Variants in OLR1 observed in about 807,000 individuals in gnomAD.
OLR1 encodes the protein oxidized low-density lipoprotein receptor 1.
OLR1 carries 23 observed loss-of-function variants against 31.7 expected under a neutral mutation model. The observed-to-expected ratio is 0.72, with a 90% confidence interval of 0.52 to 1.03. The LOEUF (loss-of-function observed/expected upper bound fraction) is 1.03. Ranked by LOEUF, OLR1 falls within the 50% of genes least tolerant of loss-of-function variation. The pLI is 0.00. For missense variants in OLR1, 286 were observed against 315.7 expected (o/e 0.91, Z 0.71); for synonymous variants, 117 against 115.8 (o/e 1.01, Z -0.07).
chr12:10,168,614 C>T (rs1251831077), intron 2 of OLR1, among the ~76,000 whole-genome samples: 2 of 152,310 alleles, frequency 1.3e-5, no homozygotes, highest in East Asian at 1.9e-4. Flanking sequence ...CTACCTCAGC[C>T]TCCTGAGTAG....
rs1390891736 is a variant in OLR1, at chr12:10,169,075, T to C, written c.177A>G (p.Gln59=). The C allele has an allele frequency of 2.5e-6, 4 of 1,601,062 alleles. No individual in the cohort carries two copies. Among genetic ancestry groups the C allele is most frequent in the African/African-American group, 2.7e-5 (2 of 74,256 alleles). Residue 59 remains glutamine (Q), a splice_region_variant and synonymous_variant, in exon 2 of 6, where the codon CAA becomes CAG. Transcript: ENST00000309539. ...LVVTIMVLGM[Q]LSQVSDLLTQ... ...TCAGTTCCGTATTTTAGCACTTACA[T>C]TGCATGCCCAGCACCATAATGGTCA...
chr12:10,162,953 C>T (rs1565420156), intron 3 of OLR1, among the ~76,000 whole-genome samples: 1 of 31,332 alleles, frequency 3.2e-5, no homozygotes, highest in Non-Finnish European at 7.0e-5. Flanking sequence ...TACTGTATTT[C>T]TTTGTGTGTG....
At chr12:10,169,044 T>C in intron 2 of OLR1, 30 bp downstream of exon 2, 2 of 1,496,668 alleles carry the variant, frequency 1.3e-6, no homozygotes, top group East Asian at 2.3e-5. Context: ...CCTGCCCCAA[T>C]AAACATCAGT....
upstream of OLR1, among the ~76,000 whole-genome samples, chr12:10,175,971 A>G (rs1948762545): frequency 6.6e-6 from 1 of 152,262 alleles, no homozygotes; most frequent in East Asian, 1.9e-4. Flanking sequence ...TCCCTGAAGC[A>G]TAGGTGTAAA....
intron 3 of OLR1, 110 bp downstream of exon 3, chr12:10,166,602 T>C (rs1948664107): frequency 1.0e-6 from 1 of 966,394 alleles, no homozygotes; most frequent in African/African-American, 1.6e-5. Flanking sequence ...GAATGAATAA[T>C]GATATGCATA....
chr12:10,160,794 C>G lies in OLR1; in HGVS notation c.556G>C (p.Ala186Pro), dbSNP rs1297819608. 5.6e-6 allele frequency: 9 copies of G among 1,613,990 alleles called. No individual in the cohort carries two copies. Among genetic ancestry groups the G allele is most frequent in the Non-Finnish European group, 7.6e-6 (9 of 1,179,974 alleles). ...TATCCATGAACACTCACCAGATCAGCTGTGCTATTAATTTTCAGCAACTTG... is the reference window on the plus strand; with the variant it reads ...TATCCATGAACACTCACCAGATCAGGTGTGCTATTAATTTTCAGCAACTTG... ...DAKLLKINST[A>P]DLDFIQQAIS... The change falls in exon 4 of 6, where the codon GCT becomes CCT. Residue 186 changes from alanine to proline, a missense_variant. By Grantham distance (27) the Ala-to-Pro change is conservative (BLOSUM62 -1). Transcript: ENST00000309539.
chr12:10,159,205 A>C lies in OLR1; in HGVS notation c.*675T>G, dbSNP rs533021686. Reference sequence around the variant, plus strand: ...TGAAGAAATAATAACTGATTCAGGAAGTGGTAACAGGTTGTGGATTAGCTT... The same window carrying C: ...TGAAGAAATAATAACTGATTCAGGACGTGGTAACAGGTTGTGGATTAGCTT... On this transcript the variant is annotated 3_prime_UTR_variant, in exon 6 of 6. Coordinates refer to ENST00000309539, the MANE Select transcript of OLR1 (RefSeq NM_002543.4). 5.4e-4 allele frequency: 83 copies of C among 152,314 alleles called. No homozygotes were observed. Among genetic ancestry groups the C allele is most frequent in the African/African-American group, 1.8e-3 (76 of 41,560 alleles). 9.4% of individuals were successfully genotyped at this position (152,314 alleles called of 1,614,324 possible).
At chr12:10,165,523 G>A (rs745465175) in intron 3 of OLR1, among the ~76,000 whole-genome samples, 3 of 152,074 alleles carry the variant, frequency 2.0e-5, no homozygotes, top group Non-Finnish European at 4.4e-5. Context: ...GTAGACAGTT[G>A]CAAGGACAAA....
In OLR1 at chr12:10,161,720, G is replaced by A. The variant is rs556222495; in HGVS notation, c.425-795C>T. Among the ~76,000 whole-genome samples the A allele has an allele frequency of 7.2e-5, 11 of 152,062 alleles. No homozygotes were observed. In the South Asian group the frequency reaches 2.3e-3, roughly 32 times the overall value. ...ACCACACCCGGCTAGTTTGCATTAA[G>A]ATGTACTATAAGTGTAAAACACACA... On this transcript the variant is annotated intron_variant, in intron 3 of 5. Coordinates refer to ENST00000309539, the MANE Select transcript of OLR1 (RefSeq NM_002543.4).
upstream of OLR1, chr12:10,175,634 G>A (rs529761162): frequency 1.2e-4 from 19 of 152,278 alleles, no homozygotes; most frequent in African/African-American, 4.3e-4. Flanking sequence ...ACTGATTTCA[G>A]TGCCTTTGAA....
rs142847124 is a variant in OLR1 at position 10,169,680 on chromosome 12, ATAAC to A, written c.77-509_77-506del. On this transcript the variant is annotated intron_variant, in intron 1 of 5. Transcript: ENST00000309539. ...AGTTAATCAACTGAGATTACCTCAA[ATAAC>A]TTTATGAATAATTTTATGCTATTCA... 7.9e-3 allele frequency among the ~76,000 whole-genome samples: 1,197 copies of A among 152,346 alleles called. 14 individuals are homozygous for A. The highest frequency in any genetic ancestry group is 0.027 in the African/African-American group (1,140 of 41,580).
chr12:10,175,784 G>C (rs1591986673), upstream of OLR1, among the ~76,000 whole-genome samples: 2 of 152,314 alleles, frequency 1.3e-5, no homozygotes, highest in Admixed American at 1.3e-4. Context: ...CCTACCCACT[G>C]ACTTATAGTT....
intron 1 of OLR1, 51 bp downstream of exon 1, chr12:10,171,951 G>T: frequency 7.4e-7 from 1 of 1,347,920 alleles, no homozygotes; most frequent in South Asian, 1.2e-5. Flanking sequence ...TTTACATTTT[G>T]GGGCTAACAC....
intron 2 of OLR1, among the ~76,000 whole-genome samples, chr12:10,167,909 G>T (rs1311040333): frequency 6.6e-6 from 1 of 152,140 alleles, no homozygotes; most frequent in Non-Finnish European, 1.5e-5. Context: ...AAAGCAGACC[G>T]CTTGGTTTGA....
intron 3 of OLR1, among the ~76,000 whole-genome samples, chr12:10,162,730 A>G (rs774940231): frequency 2.0e-5 from 3 of 152,164 alleles, no homozygotes; most frequent in Non-Finnish European, 4.4e-5. Context: ...TAGGAGACTG[A>G]GGTGGAAGGA....
At chr12:10,173,760 CT>C (rs759239388), upstream of OLR1, among the ~76,000 whole-genome samples, 393 of 131,020 alleles carry the variant, frequency 3.0e-3, 4 homozygotes, top group African/African-American at 0.01. Flanking sequence ...GCGAGACTCC[CT>C]TTAAAAAAAA....
chr12:10,165,029 G>A (rs550436305), intron 3 of OLR1, among the ~76,000 whole-genome samples: 21 of 152,232 alleles, frequency 1.4e-4, no homozygotes, highest in African/African-American at 2.2e-4. Context: ...TTGGGAGGCC[G>A]AGGCGGGCGG....
At chr12:10,160,951 G>C (rs1948615380) in intron 3 of OLR1, 26 bp from the exon 4 acceptor site, 2 of 1,606,152 alleles carry the variant, frequency 1.2e-6, no homozygotes, top group Non-Finnish European at 1.7e-6. Flanking sequence ...TATCTCATCA[G>C]TCAGTTATGT....
At chr12:10,162,178 CCAT>C (rs1036836289) in intron 3 of OLR1, among the ~76,000 whole-genome samples, 30 of 151,974 alleles carry the variant, frequency 2.0e-4, no homozygotes, top group Admixed American at 1.2e-3. Context: ...ACTATCATCA[CCAT>C]CATCATCATC....
Sources: gnomAD v4.1 joint callset for allele counts (sites outside exome capture counted in the v4.1 genomes callset) on GRCh38, gnomAD v4.1.1 for gene constraint, MANE v1.5 for transcripts, NCBI Gene and HGNC (gene_info 2026-07-23, HGNC 2026-07-21) for gene names.